The following NCKAP5 variants were observed in gnomAD, a reference collection of about 807,000 sequenced individuals.
NCKAP5 encodes nck-associated protein 5.
A neutral mutation model predicts 167.0 loss-of-function variants in NCKAP5; 92 were observed. The ratio of observed to expected loss-of-function variants is 0.55; its 90% CI spans 0.47 to 0.66. The LOEUF (loss-of-function observed/expected upper bound fraction) is 0.66, where lower values mean the gene tolerates loss of function less well. Ranked by LOEUF, NCKAP5 falls within the 30% of genes least tolerant of loss-of-function variation. NCKAP5 has a pLI of 0.00. For missense variants in NCKAP5, 2,378 were observed against 2,315.0 expected (o/e 1.03, Z -0.56); for synonymous variants, 891 against 877.4 (o/e 1.02, Z -0.27).
chr2:133,621,112 C>G, the NCKAP5 span, among the ~76,000 whole-genome samples: 2 of 152,140 alleles, frequency 1.3e-5, no homozygotes, highest in South Asian at 2.1e-4. Flanking sequence ...TTCTCGGATA[C>G]AGCAAAAGCG....
At chr2:133,169,880 G>A (rs190034030) in intron 5 of NCKAP5, among the ~76,000 whole-genome samples, 6 of 152,272 alleles carry the variant, frequency 3.9e-5, no homozygotes, top group East Asian at 1.9e-4. Context: ...AAGGGGTTAC[G>A]TAAGCATAAG....
chr2:133,217,681 A>G (rs2086490680), intron 4 of NCKAP5, among the ~76,000 whole-genome samples: 3 of 152,112 alleles, frequency 2.0e-5, no homozygotes, highest in Admixed American at 6.5e-5. Flanking sequence ...CTTTAACACT[A>G]CTAAGGCCCC....
chr2:132,796,575 G>T, intron 12 of NCKAP5, 53 bp downstream of exon 12: 2 of 1,284,094 alleles, frequency 1.6e-6, no homozygotes, highest in Non-Finnish European at 2.2e-6. Context: ...CATATTTGAT[G>T]GAAGGAAAAT....
intron 4 of NCKAP5, among the ~76,000 whole-genome samples, chr2:133,254,039 C>T (rs977754994): frequency 5.9e-5 from 9 of 152,124 alleles, no homozygotes; most frequent in South Asian, 2.1e-4. Flanking sequence ...GGGAAACATG[C>T]CTAAAAAATT....
intron 3 of NCKAP5, among the ~76,000 whole-genome samples, chr2:133,416,982 G>A (rs1487241708): frequency 6.6e-6 from 1 of 152,180 alleles, no homozygotes; most frequent in East Asian, 1.9e-4. Context: ...CTTAGAATGA[G>A]AGTGAGAAAC....
intron 2 of NCKAP5, among the ~76,000 whole-genome samples, chr2:133,556,146 C>A (rs891481180): frequency 6.6e-6 from 1 of 152,096 alleles, no homozygotes; most frequent in Admixed American, 6.5e-5. Flanking sequence ...AGGAAGGCTT[C>A]TAGGGTGCTG....
chr2:133,454,198 A>G (rs1232203860), intron 3 of NCKAP5, among the ~76,000 whole-genome samples: 1 of 152,094 alleles, frequency 6.6e-6, no homozygotes, highest in African/African-American at 2.4e-5. Flanking sequence ...AGAGGGCAGC[A>G]TATGTACAAT....
intron 6 of NCKAP5, among the ~76,000 whole-genome samples, chr2:133,003,450 C>T (rs202094793): frequency 6.6e-5 from 10 of 152,110 alleles, no homozygotes; most frequent in East Asian, 5.8e-4. Flanking sequence ...TGCCCAACTG[C>T]GCCACTTGTT....
chr2:132,869,197 C>G (rs925601510), intron 9 of NCKAP5, among the ~76,000 whole-genome samples: 3 of 152,118 alleles, frequency 2.0e-5, no homozygotes, highest in African/African-American at 7.2e-5. Flanking sequence ...AAGATGGTTA[C>G]ACTTAAAAGA....
intron 3 of NCKAP5, among the ~76,000 whole-genome samples, chr2:133,321,341 C>T (rs528100273): frequency 1.1e-4 from 16 of 152,246 alleles, no homozygotes; most frequent in East Asian, 9.7e-4. Flanking sequence ...TACTCCACAC[C>T]GGATCATTGT....
intron 8 of NCKAP5, among the ~76,000 whole-genome samples, chr2:132,881,228 AC>A (rs1298819654): frequency 1.3e-5 from 2 of 152,042 alleles, no homozygotes; most frequent in African/African-American, 2.4e-5. Context: ...AGGCTGGAGT[AC>A]AATGGCATGA....
chr2:132,972,604 G>A (rs2076867064), intron 7 of NCKAP5, among the ~76,000 whole-genome samples: 2 of 152,202 alleles, frequency 1.3e-5, no homozygotes, highest in Admixed American at 6.5e-5. Flanking sequence ...GCTCACACCT[G>A]TAATCCCAGC....
At chr2:132,803,344 T>C (rs1193034188) in intron 11 of NCKAP5, among the ~76,000 whole-genome samples, 1 of 152,250 alleles carries the variant, frequency 6.6e-6, no homozygotes, top group Non-Finnish European at 1.5e-5. Flanking sequence ...CACATCAATG[T>C]TTAGCTGCCC....
intron 8 of NCKAP5, among the ~76,000 whole-genome samples, chr2:132,910,100 A>C (rs1026305810): frequency 2.0e-5 from 3 of 151,974 alleles, no homozygotes; most frequent in Non-Finnish European, 2.9e-5. Context: ...TAATATTTTA[A>C]ATTTTTTTTC....
intron 7 of NCKAP5, among the ~76,000 whole-genome samples, chr2:132,972,162 T>C (rs1054604818): frequency 6.6e-6 from 1 of 152,214 alleles, no homozygotes; most frequent in Non-Finnish European, 1.5e-5. Flanking sequence ...CATTTACCTA[T>C]AGCTTGCTAA....
At chr2:132,801,029 C>G (rs960595838) in intron 11 of NCKAP5, among the ~76,000 whole-genome samples, 1 of 152,166 alleles carries the variant, frequency 6.6e-6, no homozygotes, top group Non-Finnish European at 1.5e-5. Flanking sequence ...TAGTTCTAGT[C>G]ATGGAGCCTG....
intron 4 of NCKAP5, among the ~76,000 whole-genome samples, chr2:133,236,045 G>A (rs1221802187): frequency 1.1e-5 from 1 of 89,796 alleles, no homozygotes; most frequent in African/African-American, 4.3e-5. Flanking sequence ...CAACTTGGGT[G>A]ACAAATCAAG....
chr2:132,849,331 C>G (rs1688909925), intron 11 of NCKAP5, among the ~76,000 whole-genome samples: 1 of 152,154 alleles, frequency 6.6e-6, no homozygotes, highest in South Asian at 2.1e-4. Flanking sequence ...ACTATTCTTG[C>G]TGAAACATTC....
At chr2:133,192,025 T>C (rs1460093819) in intron 5 of NCKAP5, among the ~76,000 whole-genome samples, 1 of 152,082 alleles carries the variant, frequency 6.6e-6, no homozygotes, top group Non-Finnish European at 1.5e-5. Flanking sequence ...TAAAGTGAGA[T>C]GAATCTACTA....
Sources: allele counts gnomAD v4.1 joint callset (sites outside exome capture counted in the v4.1 genomes callset), GRCh38; gene constraint gnomAD v4.1.1; transcripts MANE v1.5; gene names NCBI Gene and HGNC (gene_info 2026-07-23, HGNC 2026-07-21).